The following RAD51B variants were observed in gnomAD, a reference collection of about 807,000 sequenced individuals.
RAD51B encodes the protein RAD51 paralog B.
A neutral mutation model predicts 42.2 loss-of-function variants in RAD51B; 38 were observed. The observed-to-expected ratio is 0.90, with a 90% CI of 0.70 to 1.18. The LOEUF is 1.18. RAD51B is among the 50% of genes most tolerant of loss of function. The pLI is 0.00. For synonymous variants in RAD51B, 154 were observed against 145.2 expected, an observed-to-expected ratio of 1.06 and a Z score of -0.43; for missense variants, 373 against 400.7, an observed-to-expected ratio of 0.93 and a Z score of 0.59.
chr14:68,102,974 C>A (rs1400320126), intron 7 of RAD51B, among the ~76,000 whole-genome samples: 1 of 152,048 alleles, frequency 6.6e-6, no homozygotes, highest in Non-Finnish European at 1.5e-5. Context: ...GCAGAAGAGA[C>A]AAGAATGAAC....
At chr14:68,072,833 G>T (rs952555834) in intron 7 of RAD51B, among the ~76,000 whole-genome samples, 1 of 152,130 alleles carries the variant, frequency 6.6e-6, no homozygotes, top group Admixed American at 6.5e-5. Flanking sequence ...CCATTTAATT[G>T]TATGGTTCTG....
At chr14:67,973,461 G>A (rs1028290185) in intron 7 of RAD51B, among the ~76,000 whole-genome samples, 5 of 152,082 alleles carry the variant, frequency 3.3e-5, no homozygotes, top group Admixed American at 6.6e-5. Context: ...TGGATTTTAT[G>A]TAAATTGTTC....
At chr14:67,832,049 T>C (rs2041070329) in intron 3 of RAD51B, among the ~76,000 whole-genome samples, 1 of 152,164 alleles carries the variant, frequency 6.6e-6, no homozygotes, top group Non-Finnish European at 1.5e-5. Flanking sequence ...TATCAAAAAA[T>C]TGGAAACAAT....
At chr14:68,666,289 C>A (rs895615003) in intron 11 of RAD51B, among the ~76,000 whole-genome samples, 2 of 152,194 alleles carry the variant, frequency 1.3e-5, no homozygotes, top group African/African-American at 4.8e-5. Context: ...CTTTTTGTTG[C>A]ATGGGCCATT....
intron 8 of RAD51B, among the ~76,000 whole-genome samples, chr14:68,405,894 G>A (rs1365885710): frequency 5.4e-5 from 8 of 148,968 alleles, no homozygotes; most frequent in Non-Finnish European, 1.0e-4. Flanking sequence ...TTCACATGTA[G>A]CTTTTTCTTG....
rs1406988167 is a variant in RAD51B at position 68,320,989 on chromosome 14, C to G, written c.853+29009C>G. 1.3e-5 allele frequency among the ~76,000 whole-genome samples: 2 copies of G among 152,136 alleles called. 1 individual carries two copies. The highest frequency in any genetic ancestry group is 2.9e-5 in the Non-Finnish European group (2 of 68,044). On this transcript the variant is annotated intron_variant, in intron 8 of 10. Transcript: ENST00000471583. ...TTAACACATCTCTCATGTTTCTTTC[C>G]CCCCTGCAGAAGTATAGAAACCTCC...
At chr14:68,528,303 T>G (rs996789444) in intron 10 of RAD51B, among the ~76,000 whole-genome samples, 2 of 152,230 alleles carry the variant, frequency 1.3e-5, no homozygotes, top group African/African-American at 4.8e-5. Context: ...CTTAAACAAA[T>G]TTAATACTCA....
At chr14:68,633,480 T>A (rs887975713) in intron 10 of RAD51B, among the ~76,000 whole-genome samples, 9 of 152,020 alleles carry the variant, frequency 5.9e-5, no homozygotes, top group African/African-American at 2.2e-4. Flanking sequence ...AGCCCACCCC[T>A]GGAGAGGACA....
At chr14:67,996,435 T>G (rs942803831) in intron 7 of RAD51B, among the ~76,000 whole-genome samples, 9 of 150,864 alleles carry the variant, frequency 6.0e-5, no homozygotes, top group Non-Finnish European at 1.3e-4. Flanking sequence ...AATAAATAAA[T>G]AAATAAATAA....
chr14:68,435,419 C>T (rs561183012), intron 9 of RAD51B, among the ~76,000 whole-genome samples: 1 of 151,556 alleles, frequency 6.6e-6, no homozygotes, highest in African/African-American at 2.4e-5. Flanking sequence ...CATTGATGGG[C>T]ACCTAGGTTG....
intron 7 of RAD51B, among the ~76,000 whole-genome samples, chr14:67,895,743 C>T (rs996551038): frequency 6.6e-6 from 1 of 152,114 alleles, no homozygotes; most frequent in African/African-American, 2.4e-5. Flanking sequence ...AAGTTCTCTT[C>T]CTTCTGGCTC....
At chr14:68,243,210 A>G (rs1241002663) in intron 7 of RAD51B, among the ~76,000 whole-genome samples, 2 of 152,198 alleles carry the variant, frequency 1.3e-5, no homozygotes, top group African/African-American at 4.8e-5. Context: ...TGATTCACAT[A>G]TGATAATTAA....
chr14:68,363,561 A>C (rs1221484842), intron 8 of RAD51B, among the ~76,000 whole-genome samples: 1 of 151,910 alleles, frequency 6.6e-6, no homozygotes, highest in African/African-American at 2.4e-5. Context: ...TCCTCATTGG[A>C]GTGTGCAGGG....
At chr14:67,835,240 C>A (rs2140298274) in intron 4 of RAD51B, 44 bp downstream of exon 4, 1 of 1,341,484 alleles carries the variant, frequency 7.5e-7, no homozygotes, top group Non-Finnish European at 1.1e-6. Flanking sequence ...GACCTATAAC[C>A]TTCAGAGCTA....
intron 7 of RAD51B, among the ~76,000 whole-genome samples, chr14:68,006,921 G>A (rs910925494): frequency 2.6e-5 from 4 of 152,100 alleles, no homozygotes; most frequent in Non-Finnish European, 5.9e-5. Flanking sequence ...AAAGTGTACA[G>A]TTCAGTGGTT....
In RAD51B at chr14:68,341,103, T is replaced by C. The variant is rs1265125322; in HGVS notation, c.853+49123T>C. On this transcript the variant is annotated intron_variant, in intron 8 of 10. Coordinates refer to ENST00000471583, the MANE Select transcript of RAD51B (RefSeq NM_133510.4). ...GAGAATGTTAAGGCAAAGCACAATG[T>C]TAATGACTAAATTAGAACTGAAAAT... 2.0e-5 allele frequency among the ~76,000 whole-genome samples: 3 copies of C among 152,220 alleles called. No individual in the cohort carries two copies. In the East Asian group the frequency reaches 5.8e-4, roughly 29 times the overall value.
rs769754192 is a variant in RAD51B, at chr14:68,104,493, GGGTGACAT to G, written c.757-187385_757-187378del. 1.1e-4 allele frequency among the ~76,000 whole-genome samples: 16 copies of G among 152,258 alleles called. No individual in the cohort carries two copies. The South Asian group carries it at 3.1e-3, about 30-fold the overall frequency. On this transcript the variant is annotated intron_variant, in intron 7 of 10. Transcript: ENST00000471583. Reference sequence around the variant, plus strand: ...CTGAGAAACAAAGCACTTAGACCTAGGGTGACATGGTGAGACCAAAACTGAATTCTGTG... The same window carrying G: ...CTGAGAAACAAAGCACTTAGACCTAGGGTGAGACCAAAACTGAATTCTGTG...
chr14:68,310,055 G>T (rs769734578), intron 8 of RAD51B, among the ~76,000 whole-genome samples: 11 of 152,212 alleles, frequency 7.2e-5, no homozygotes, highest in Non-Finnish European at 1.3e-4. Context: ...TGGAGCCATT[G>T]TCAGGCATGG....
intron 7 of RAD51B, among the ~76,000 whole-genome samples, chr14:68,206,545 A>G (rs2079589561): frequency 6.6e-6 from 1 of 152,086 alleles, no homozygotes; most frequent in Non-Finnish European, 1.5e-5. Context: ...CCAAACATGC[A>G]TCTCTTACCA....
Sources: gnomAD v4.1 joint callset for allele counts (sites outside exome capture counted in the v4.1 genomes callset) on GRCh38, gnomAD v4.1.1 for gene constraint, MANE v1.5 for transcripts, NCBI Gene and HGNC (gene_info 2026-07-23, HGNC 2026-07-21) for gene names.